The following MAGI2 variants were observed in gnomAD, a reference collection of about 807,000 sequenced individuals.
MAGI2 encodes the protein membrane-associated guanylate kinase, WW and PDZ domain-containing protein 2.
In MAGI2, 35 loss-of-function variants were observed where a neutral mutation model predicts 133.3. The ratio of observed to expected loss-of-function variants is 0.26; its 90% CI spans 0.20 to 0.35. The LOEUF (loss-of-function observed/expected upper bound fraction) is 0.35. Among genes scored for constraint, MAGI2 ranks in the 10% least tolerant of loss-of-function variants. The pLI, the probability that MAGI2 is intolerant of heterozygous loss-of-function variation, is 1.00. For missense variants in MAGI2, 1,636 were observed against 1,863.4 expected, an observed-to-expected ratio of 0.88 and a Z score of 2.25; for synonymous variants, 729 against 710.6, an observed-to-expected ratio of 1.03 and a Z score of -0.41.
intron 1 of MAGI2, among the ~76,000 whole-genome samples, chr7:79,168,901 T>TAG (rs1316380067): frequency 4.9e-3 from 44 of 8,948 alleles, no homozygotes; most frequent in African/African-American, 8.2e-3. Context: ...TATATATATA[T>TAG]ATATATATAT....
chr7:78,102,640 G>A (rs902376250), intron 20 of MAGI2, among the ~76,000 whole-genome samples: 1 of 152,150 alleles, frequency 6.6e-6, no homozygotes, highest in African/African-American at 2.4e-5. Context: ...AATTTTGCAA[G>A]ATAAGTAACC....
chr7:78,534,223 G>A (rs954863158), intron 3 of MAGI2, among the ~76,000 whole-genome samples: 2 of 152,106 alleles, frequency 1.3e-5, no homozygotes, highest in African/African-American at 4.8e-5. Flanking sequence ...GTGGTGTTTG[G>A]AGAACTCCAA....
intron 1 of MAGI2, among the ~76,000 whole-genome samples, chr7:79,416,291 T>C (rs1846505233): frequency 6.6e-6 from 1 of 151,770 alleles, no homozygotes; most frequent in Non-Finnish European, 1.5e-5. Flanking sequence ...GTTAGGAACA[T>C]ATACAAATGC....
chr7:78,586,874 T>C (rs1331817008), intron 3 of MAGI2, among the ~76,000 whole-genome samples: 1 of 152,240 alleles, frequency 6.6e-6, no homozygotes, highest in Non-Finnish European at 1.5e-5. Context: ...ATGTCTTCAA[T>C]GTTCATCCAT....
chr7:78,963,535 G>T (rs554686213), intron 2 of MAGI2, among the ~76,000 whole-genome samples: 274 of 151,980 alleles, frequency 1.8e-3, no homozygotes, highest in Middle Eastern at 3.4e-3. Context: ...TGACCATTGG[G>T]TGTTCCAAGT....
chr7:78,802,285 T>C (rs1788132294), intron 2 of MAGI2, among the ~76,000 whole-genome samples: 1 of 152,162 alleles, frequency 6.6e-6, no homozygotes, highest in Admixed American at 6.5e-5. Context: ...CATTCATGAG[T>C]GTTTTTTTAA....
intron 1 of MAGI2, among the ~76,000 whole-genome samples, chr7:79,452,133 C>G (rs936800042): frequency 6.6e-6 from 1 of 152,162 alleles, no homozygotes; most frequent in Non-Finnish European, 1.5e-5. Context: ...AACACGCCCC[C>G]CAAATCGGAG....
At position 78,322,728 on chromosome 7, in the gene MAGI2, C is replaced by T. The variant is rs375955816; in HGVS notation, c.1408+21050G>A. 1.7e-4 allele frequency among the ~76,000 whole-genome samples: 26 copies of T among 152,118 alleles called. No individual in the cohort carries two copies. The South Asian group carries it at 2.7e-3, about 16-fold the overall frequency. On this transcript the variant is annotated intron_variant, in intron 9 of 21. Coordinates refer to ENST00000354212, the MANE Select transcript of MAGI2 (RefSeq NM_012301.4). ...TACCTATGTAACAAACCTGCACGTT[C>T]TGCACATGTACCCCGGAATTTAATG...
At chr7:79,365,469 A>C (rs1842637065) in intron 1 of MAGI2, among the ~76,000 whole-genome samples, 1 of 152,200 alleles carries the variant, frequency 6.6e-6, no homozygotes, top group African/African-American at 2.4e-5. Flanking sequence ...AACTGAAATC[A>C]GCTCATATGT....
intron 7 of MAGI2, among the ~76,000 whole-genome samples, chr7:78,361,325 G>A (rs1486489618): frequency 4.6e-5 from 7 of 151,656 alleles, no homozygotes; most frequent in African/African-American, 7.3e-5. Context: ...ACCGGGAGGC[G>A]GAGCTTGCAG....
At chr7:78,108,413 T>C (rs1380605981) in intron 20 of MAGI2, among the ~76,000 whole-genome samples, 6 of 152,196 alleles carry the variant, frequency 3.9e-5, no homozygotes, top group African/African-American at 1.4e-4. Context: ...TTCTTGAAAA[T>C]GATCCATGTG....
chr7:79,128,634 C>G (rs997568048), intron 1 of MAGI2, among the ~76,000 whole-genome samples: 21 of 152,072 alleles, frequency 1.4e-4, no homozygotes, highest in Non-Finnish European at 2.1e-4. Flanking sequence ...TGCTCCATCT[C>G]TGAAAATGCA....
chr7:78,540,125 G>C (rs1028577692), intron 3 of MAGI2, among the ~76,000 whole-genome samples: 2 of 152,168 alleles, frequency 1.3e-5, no homozygotes, highest in Admixed American at 1.3e-4. Context: ...TCAGGCAATG[G>C]GCAGGGCCAT....
chr7:78,299,942 G>A (rs1052237367), intron 9 of MAGI2, among the ~76,000 whole-genome samples: 14 of 151,992 alleles, frequency 9.2e-5, no homozygotes, highest in Non-Finnish European at 1.8e-4. Context: ...ATCACAAAAC[G>A]AGTAAAATTT....
At chr7:78,511,861 C>A (rs1360330261) in intron 4 of MAGI2, among the ~76,000 whole-genome samples, 1 of 150,992 alleles carries the variant, frequency 6.6e-6, no homozygotes, top group Non-Finnish European at 1.5e-5. Context: ...TTTGGGAGGC[C>A]GAGGTGGGTG....
chr7:78,311,617 T>C (rs1285649805), intron 9 of MAGI2, among the ~76,000 whole-genome samples: 3 of 152,230 alleles, frequency 2.0e-5, no homozygotes, highest in Non-Finnish European at 4.4e-5. Context: ...ATCTGATGCA[T>C]GAGAACATGT....
At chr7:78,665,003 T>C (rs964006407) in intron 2 of MAGI2, among the ~76,000 whole-genome samples, 3 of 152,120 alleles carry the variant, frequency 2.0e-5, no homozygotes, top group Non-Finnish European at 2.9e-5. Flanking sequence ...TGTCTTGTTA[T>C]AAGCATGATT....
intron 21 of MAGI2, among the ~76,000 whole-genome samples, chr7:78,034,271 G>A (rs182613665): frequency 1.2e-4 from 18 of 152,164 alleles, no homozygotes; most frequent in Admixed American, 5.9e-4. Context: ...GAAAGTTGGG[G>A]GGAAAAAAGA....
chr7:78,424,168 C>T (rs1799061396), intron 6 of MAGI2, among the ~76,000 whole-genome samples: 1 of 152,120 alleles, frequency 6.6e-6, no homozygotes, highest in South Asian at 2.1e-4. Flanking sequence ...AGTCTACAGA[C>T]TTGGTGCCCT....
Sources: gnomAD v4.1 joint callset for allele counts (sites outside exome capture counted in the v4.1 genomes callset) on GRCh38, gnomAD v4.1.1 for gene constraint, MANE v1.5 for transcripts, NCBI Gene and HGNC (gene_info 2026-07-23, HGNC 2026-07-21) for gene names.